STK32C: variants seen among roughly 807,000 people sequenced by gnomAD.
STK32C encodes serine/threonine kinase 32C, also known as serine/threonine-protein kinase 32C.
A neutral mutation model predicts 56.5 loss-of-function variants in STK32C; 31 were observed. The ratio of observed to expected loss-of-function variants is 0.55; its 90% CI spans 0.41 to 0.74. The LOEUF (loss-of-function observed/expected upper bound fraction) is 0.74, where lower values mean the gene tolerates loss of function less well. STK32C is among the 30% of genes least tolerant of loss of function. STK32C has a pLI of 0.00. For missense variants in STK32C, 544 were observed against 676.9 expected, an observed-to-expected ratio of 0.80 and a Z score of 2.18; for synonymous variants, 309 against 289.4, an observed-to-expected ratio of 1.07 and a Z score of -0.69.
chr10:132,317,495 A>G (rs2066329206), intron 1 of STK32C, among the ~76,000 whole-genome samples: 1 of 152,238 alleles, frequency 6.6e-6, no homozygotes, highest in Admixed American at 6.5e-5. Flanking sequence ...TACCCAGAAC[A>G]TATAGGACAC....
chr10:132,221,150 A>G (rs577041085), intron 10 of STK32C, among the ~76,000 whole-genome samples: 1 of 152,184 alleles, frequency 6.6e-6, no homozygotes, highest in South Asian at 2.1e-4. Flanking sequence ...CCCCGCACAC[A>G]CAACCAAAGC....
chr10:132,278,880 C>A (rs1403963860), intron 1 of STK32C, among the ~76,000 whole-genome samples: 14 of 152,094 alleles, frequency 9.2e-5, no homozygotes. Flanking sequence ...AGAAAACCAA[C>A]CCAACAGGAG....
Position 132,307,615 on chromosome 10 carries a change from C to T in STK32C, c.219G>A (p.Ser73=). The change falls in exon 1 of 12, where the codon TCG becomes TCA. Residue 73 remains serine, a synonymous_variant. Coordinates refer to ENST00000298630, the MANE Select transcript of STK32C (RefSeq NM_173575.4). This position sits in a 1 kb window ranked among gnomAD's most constrained non-coding sequence, Gnocchi z 4.4. The stretch of plus-strand genomic sequence containing the variant: ...ACACCGGCCTCCGCGCGGTGGCCGC[C>T]GACATGGACGAGCCCATCCTCTTCT... ...KWKKRMGSSM[S]AATARRPVFD... is the part of the protein sequence containing the mutation. 1 of 1,560,856 alleles carries T rather than the reference C, an allele frequency of 6.4e-7. No individual in the cohort carries two copies. Among genetic ancestry groups the T allele is most frequent in the South Asian group, 1.2e-5 (1 of 86,630 alleles).
rs751622241 is a variant in STK32C, at chr10:132,225,520, G to T, written c.772+7C>A. On this transcript the variant is annotated splice_region_variant and intron_variant, in intron 6 of 11. Coordinates refer to ENST00000298630, the MANE Select transcript of STK32C (RefSeq NM_173575.4). ...AGCTCCCATCTGGAACCCCAGCTCG[G>T]GCTCACCCATGTACGGCTTGGTGCC... The T allele has an allele frequency of 2.5e-6, 4 of 1,613,786 alleles. No homozygotes were observed. In the Admixed American group the frequency reaches 6.7e-5, roughly 27 times the overall value.
At chr10:132,238,582 A>G (rs2063381419) in intron 2 of STK32C, among the ~76,000 whole-genome samples, 1 of 152,102 alleles carries the variant, frequency 6.6e-6, no homozygotes, top group African/African-American at 2.4e-5. Context: ...TGATTCATGC[A>G]GGGGATGTGG....
Position 132,216,446 on chromosome 10 carries a change from G to A in STK32C, c.1251+6195C>T, listed in dbSNP as rs1170331198. On this transcript the variant is annotated intron_variant, in intron 10 of 11. Transcript: ENST00000298630. ...CATTGCACCACTGCACTCCAGCCTG[G>A]GTGACAGAGCAAGACTGTCTCAAAA... 6.0e-5 allele frequency among the ~76,000 whole-genome samples: 9 copies of A among 150,308 alleles called. No homozygotes were observed. In the East Asian group the frequency reaches 1.8e-3, roughly 29 times the overall value.
chr10:132,284,110 A>T (rs1224529796), intron 1 of STK32C, among the ~76,000 whole-genome samples: 1 of 151,844 alleles, frequency 6.6e-6, no homozygotes, highest in Non-Finnish European at 1.5e-5. Flanking sequence ...GCCAACTGAA[A>T]GGGCACGTGG....
chr10:132,319,865 A>T (rs1262871815), downstream of STK32C, among the ~76,000 whole-genome samples: 2 of 152,114 alleles, frequency 1.3e-5, no homozygotes, highest in Non-Finnish European at 2.9e-5. Context: ...TACATAATAT[A>T]AAACTCATCT....
At chr10:132,251,201 T>C (rs1276546995) in intron 1 of STK32C, among the ~76,000 whole-genome samples, 2 of 152,136 alleles carry the variant, frequency 1.3e-5, no homozygotes, top group African/African-American at 4.8e-5. Flanking sequence ...CCCCAGGCCA[T>C]GAATCTGCTC....
intron 1 of STK32C, among the ~76,000 whole-genome samples, chr10:132,269,951 C>T (rs2064762978): frequency 6.6e-6 from 1 of 152,248 alleles, no homozygotes; most frequent in Non-Finnish European, 1.5e-5. Flanking sequence ...GCCCCCTGTC[C>T]TCCACGCCTG....
intron 1 of STK32C, among the ~76,000 whole-genome samples, chr10:132,278,334 A>AG (rs60222870): frequency 0.072 from 10,995 of 152,298 alleles, 608 homozygotes; most frequent in African/African-American, 0.15. Flanking sequence ...GTAATCCTGC[A>AG]GCAAGAGAGG....
chr10:132,329,805 A>C (rs997766004), intron 1 of STK32C, among the ~76,000 whole-genome samples: 5 of 152,252 alleles, frequency 3.3e-5, no homozygotes, highest in African/African-American at 1.2e-4. Context: ...ACTGAAACTT[A>C]GCTATCTCAG....
At chr10:132,330,055 C>T (rs775615010) in intron 1 of STK32C, among the ~76,000 whole-genome samples, 19 of 152,174 alleles carry the variant, frequency 1.2e-4, no homozygotes, top group Non-Finnish European at 2.6e-4. Context: ...CACAGCCACT[C>T]AATAATCAGA....
Position 132,307,514 on chromosome 10 carries a change from C to T in STK32C, c.262+58G>A, listed in dbSNP as rs1438876646. 1.3e-6 allele frequency: 2 copies of T among 1,492,518 alleles called. No individual in the cohort carries two copies. The highest frequency in any genetic ancestry group is 8.9e-7 in the Non-Finnish European group (1 of 1,119,624). 92.5% of individuals were successfully genotyped at this position (1,492,518 alleles called of 1,614,324 possible). A position where few individuals can be genotyped will look rare whatever the true frequency, so the allele number is the denominator to read the frequency against. ...ACCCCTGCGGGAAAAAGCCGCCCAG[C>T]CGCGCCCGCCCCTGCAATAGCGCGC... is the stretch of plus-strand genomic sequence containing the variant. On this transcript the variant is annotated intron_variant, in intron 1 of 11. Transcript: ENST00000298630. This position sits in a 1 kb window ranked among gnomAD's most constrained non-coding sequence, Gnocchi z 4.4.
chr10:132,246,043 G>A (rs1423448205), intron 1 of STK32C, 88 bp from the exon 2 acceptor site: 25 of 1,298,266 alleles, frequency 1.9e-5, no homozygotes, highest in Middle Eastern at 1.8e-4. Flanking sequence ...CCCCCACCCC[G>A]ACACTGCCCA....
chr10:132,295,749 T>C (rs1417948355), intron 1 of STK32C, among the ~76,000 whole-genome samples: 1 of 152,058 alleles, frequency 6.6e-6, no homozygotes, highest in Non-Finnish European at 1.5e-5. Context: ...TTGGGTGTGG[T>C]GGCGCACGCC....
chr10:132,233,285 C>T (rs901919211), intron 2 of STK32C, among the ~76,000 whole-genome samples: 5 of 152,136 alleles, frequency 3.3e-5, no homozygotes, highest in Admixed American at 1.3e-4. Context: ...ACCGGGCTCC[C>T]GTGCACTCCA....
intron 2 of STK32C, among the ~76,000 whole-genome samples, chr10:132,240,680 C>A (rs530069202): frequency 6.6e-6 from 1 of 152,260 alleles, no homozygotes; most frequent in East Asian, 1.9e-4. Flanking sequence ...AATGCGGACG[C>A]CGTGCGCCTG....
chr10:132,328,716 G>A (rs1258093346), intron 1 of STK32C, among the ~76,000 whole-genome samples: 3 of 152,238 alleles, frequency 2.0e-5, no homozygotes, highest in African/African-American at 7.2e-5. Context: ...CTCTTTCACT[G>A]TCATAATTTC....
Sources: gnomAD v4.1 joint callset for allele counts (sites outside exome capture counted in the v4.1 genomes callset) on GRCh38, gnomAD v4.1.1 for gene constraint, Gnocchi (gnomAD v3.1) non-coding constraint, MANE v1.5 for transcripts, NCBI Gene and HGNC (gene_info 2026-07-23, HGNC 2026-07-21) for gene names.